The following SSBP2 variants were observed in gnomAD, a reference collection of about 807,000 sequenced individuals.
The protein encoded by SSBP2 is single stranded DNA binding protein 2.
SSBP2 carries 17 observed loss-of-function variants against 61.8 expected under a neutral mutation model. The observed-to-expected ratio is 0.28, with a 90% confidence interval of 0.19 to 0.41. The LOEUF is 0.41. Among genes scored for constraint, SSBP2 ranks in the 10% least tolerant of loss-of-function variants. The pLI is 1.00. For synonymous variants in SSBP2, 139 were observed against 141.3 expected (o/e 0.98, Z 0.12); for missense variants, 310 against 458.7 (o/e 0.68, Z 2.96).
intron 1 of SSBP2, among the ~76,000 whole-genome samples, chr5:81,668,395 T>C (rs992924273): frequency 6.6e-6 from 1 of 151,952 alleles, no homozygotes; most frequent in African/African-American, 2.4e-5. Context: ...AACCAAATAT[T>C]CCTAAGTAGC....
chr5:81,683,406 G>A (rs1480165476), intron 1 of SSBP2, among the ~76,000 whole-genome samples: 1 of 152,138 alleles, frequency 6.6e-6, no homozygotes, highest in East Asian at 1.9e-4. Context: ...AACAAATGGT[G>A]TTTGAACAAT....
At chr5:81,594,514 T>C (rs915696489) in intron 4 of SSBP2, among the ~76,000 whole-genome samples, 1 of 152,122 alleles carries the variant, frequency 6.6e-6, no homozygotes, top group African/African-American at 2.4e-5. Flanking sequence ...TACAGAACTC[T>C]CCACCCCAAA....
Position 81,583,629 on chromosome 5 carries a change from CAAAAA to C in SSBP2, c.282+31839_282+31843del, listed in dbSNP as rs56294944. 1.3e-4 allele frequency among the ~76,000 whole-genome samples: 10 copies of C among 77,378 alleles called. No homozygotes were observed. In the Admixed American group the frequency reaches 1.5e-3, roughly 11 times the overall value. The allele number at this position is 77,378 out of a possible 152,430, so 50.8% of individuals were successfully genotyped here. ...TGGGCGACAGAGCGAGACACCGTCT[CAAAAA>C]AAAAAAAAAAAAAAGTAGCCATTGA... On this transcript the variant is annotated intron_variant, in intron 4 of 16. Transcript: ENST00000320672.
chr5:81,678,650 A>G (rs138591799), intron 1 of SSBP2, among the ~76,000 whole-genome samples: 76 of 152,252 alleles, frequency 5.0e-4, no homozygotes, highest in African/African-American at 1.7e-3. Flanking sequence ...AATCAAAGAT[A>G]AAGAAAAAAA....
rs114150704 is a variant in SSBP2 at position 81,486,979 on chromosome 5, T to C, written c.432+2271A>G. Among the ~76,000 whole-genome samples, 322 of 152,318 alleles carry C rather than the reference T, an allele frequency of 2.1e-3. 1 individual carries two copies. The highest frequency in any genetic ancestry group is 7.5e-3 in the African/African-American group (312 of 41,582). On this transcript the variant is annotated intron_variant, in intron 6 of 16. Transcript: ENST00000320672. ...CCAGCAGATTGAGACACCTCAAAGA[T>C]AGCATAATTTCAGTAAGAGTTAGGA...
chr5:81,656,938 C>T (rs1346570276), intron 1 of SSBP2, among the ~76,000 whole-genome samples: 1 of 151,934 alleles, frequency 6.6e-6, no homozygotes, highest in Non-Finnish European at 1.5e-5. Flanking sequence ...GTATAGTATG[C>T]TCTCATCTGT....
chr5:81,602,711 T>A lies in SSBP2; in HGVS notation c.282+12762A>T, dbSNP rs75271450. 6.6e-3 allele frequency among the ~76,000 whole-genome samples: 1,006 copies of A among 152,300 alleles called. 12 individuals carry two copies. The highest frequency in any genetic ancestry group is 0.023 in the African/African-American group (942 of 41,564). On this transcript the variant is annotated intron_variant, in intron 4 of 16. Transcript: ENST00000320672. The stretch of plus-strand genomic sequence containing the variant: ...TCCGTTTTTAGCTCAGTTTTCTCTA[T>A]CCATATATCATGAGACAGGGCTAAA...
chr5:81,462,079 A>C (rs902764574), intron 9 of SSBP2, among the ~76,000 whole-genome samples: 7 of 152,176 alleles, frequency 4.6e-5, no homozygotes, highest in Admixed American at 4.6e-4. Context: ...AGGAGTGTCC[A>C]ATCTTTTGGC....
intron 3 of SSBP2, among the ~76,000 whole-genome samples, chr5:81,634,186 G>A (rs967083331): frequency 2.6e-5 from 4 of 152,104 alleles, no homozygotes; most frequent in African/African-American, 7.2e-5. Context: ...AGCTATTCTC[G>A]CTGAAGCCTG....
intron 4 of SSBP2, among the ~76,000 whole-genome samples, chr5:81,552,128 G>C (rs1466381503): frequency 6.6e-6 from 1 of 152,098 alleles, no homozygotes; most frequent in East Asian, 1.9e-4. Flanking sequence ...ATCTTGGTTA[G>C]TGAGTATATG....
intron 4 of SSBP2, among the ~76,000 whole-genome samples, chr5:81,573,457 C>A (rs539157573): frequency 6.6e-6 from 1 of 152,254 alleles, no homozygotes; most frequent in Admixed American, 6.5e-5. Flanking sequence ...TCAGAGCCCA[C>A]CAAGGAGAAC....
intron 4 of SSBP2, among the ~76,000 whole-genome samples, chr5:81,522,065 G>A (rs1203848020): frequency 6.6e-6 from 1 of 151,842 alleles, no homozygotes; most frequent in South Asian, 2.1e-4. Context: ...AATTCTGAAC[G>A]GTGAGAAAAA....
intron 4 of SSBP2, among the ~76,000 whole-genome samples, chr5:81,514,744 G>A (rs556514370): frequency 6.6e-6 from 1 of 151,916 alleles, no homozygotes; most frequent in South Asian, 2.1e-4. Context: ...ATCTCAGTAT[G>A]TTTGTAGCAC....
intron 8 of SSBP2, among the ~76,000 whole-genome samples, chr5:81,473,423 G>A (rs184560008): frequency 1.1e-3 from 171 of 152,030 alleles, no homozygotes; most frequent in African/African-American, 3.9e-3. Context: ...CCACCCTCCC[G>A]ACTGGCCCTG....
chr5:81,617,160 C>T (rs1746153910), intron 3 of SSBP2, among the ~76,000 whole-genome samples: 1 of 37,614 alleles, frequency 2.7e-5, no homozygotes, highest in Non-Finnish European at 5.6e-5. Flanking sequence ...CTCTGAGCTA[C>T]GGGAGGACAT....
intron 1 of SSBP2, among the ~76,000 whole-genome samples, chr5:81,730,445 G>C (rs191596120): frequency 1.3e-5 from 2 of 152,068 alleles, no homozygotes; most frequent in Non-Finnish European, 2.9e-5. Flanking sequence ...GGCTGGTCTC[G>C]AGCTCCTGAC....
chr5:81,747,495 A>G (rs1242759996), intron 1 of SSBP2, among the ~76,000 whole-genome samples: 2 of 152,212 alleles, frequency 1.3e-5, no homozygotes, highest in African/African-American at 2.4e-5. Context: ...GGCACACAGG[A>G]TGGCAAATAA....
chr5:81,594,487 C>T (rs974101642), intron 4 of SSBP2, among the ~76,000 whole-genome samples: 61 of 152,254 alleles, frequency 4.0e-4, no homozygotes, highest in South Asian at 3.1e-3. Flanking sequence ...CTGCACCAAG[C>T]GGACCTAACA....
intron 1 of SSBP2, among the ~76,000 whole-genome samples, chr5:81,685,543 A>G (rs987251995): frequency 1.3e-5 from 2 of 152,154 alleles, no homozygotes; most frequent in Non-Finnish European, 2.9e-5. Flanking sequence ...AATAAATTTT[A>G]TTAATTAAAA....
Sources: allele counts gnomAD v4.1 joint callset (sites outside exome capture counted in the v4.1 genomes callset), GRCh38; gene constraint gnomAD v4.1.1; transcripts MANE v1.5; gene names NCBI Gene and HGNC (gene_info 2026-07-23, HGNC 2026-07-21).